GPC1: variants seen among roughly 807,000 people sequenced by gnomAD.
GPC1 encodes the protein glypican-1.
GPC1 carries 26 observed loss-of-function variants against 51.5 expected under a neutral mutation model. That is an observed-to-expected ratio of 0.50 (90% CI 0.37 to 0.70). The LOEUF (loss-of-function observed/expected upper bound fraction) is 0.70. GPC1 is among the 30% of genes least tolerant of loss of function. The probability of loss-of-function intolerance (pLI) is 0.00; values close to 1 mark genes in which losing one functional copy is unlikely to be tolerated. For missense variants in GPC1, 775 were observed against 800.5 expected (o/e 0.97, Z 0.38); for synonymous variants, 380 against 348.3 (o/e 1.09, Z -1.01).
intron 1 of GPC1, among the ~76,000 whole-genome samples, chr2:240,444,035 G>A (rs537932483): frequency 6.6e-6 from 1 of 152,336 alleles, no homozygotes; most frequent in East Asian, 1.9e-4. Context: ...TACCCCGCAG[G>A]TGCAGGCACC....
intron 1 of GPC1, among the ~76,000 whole-genome samples, chr2:240,444,443 A>T (rs2074037060): frequency 6.6e-6 from 1 of 152,176 alleles, no homozygotes; most frequent in African/African-American, 2.4e-5. Flanking sequence ...CCGCTGGTCC[A>T]TCCTGGGGTG....
At chr2:240,458,115 C>T (rs1476092669) in intron 1 of GPC1, 1 of 465,126 alleles carries the variant, frequency 2.1e-6, no homozygotes, top group Non-Finnish European at 4.5e-6. Context: ...AGACCTCATC[C>T]CTGTAAGCCC....
intron 2 of GPC1, among the ~76,000 whole-genome samples, chr2:240,460,490 C>T (rs1309495847): frequency 2.0e-5 from 3 of 152,178 alleles, no homozygotes; most frequent in Non-Finnish European, 2.9e-5. Flanking sequence ...AGCCCTGCCC[C>T]TTCCCCTCTC....
chr2:240,443,750 T>C (rs1399091600), intron 1 of GPC1, among the ~76,000 whole-genome samples: 3 of 152,086 alleles, frequency 2.0e-5, no homozygotes, highest in Non-Finnish European at 4.4e-5. Flanking sequence ...CCCCAGGCCC[T>C]CCCTCCCCTG....
Position 240,459,108 on chromosome 2 carries a change from A to G in GPC1, c.245A>G (p.His82Arg), listed in dbSNP as rs2151795299. 1.9e-6 allele frequency: 3 copies of G among 1,612,832 alleles called. No homozygotes were observed. Among genetic ancestry groups the G allele is most frequent in the Non-Finnish European group, 2.5e-6 (3 of 1,179,914 alleles). ...EMEENLANRS[H>R]AELETALRDS... is the part of the protein sequence containing the mutation. ...GAGGAGAACCTGGCCAACCGCAGCCATGCCGAGCTGGAGACCGCGCTCCGG... is the reference window on the plus strand; with the variant it reads ...GAGGAGAACCTGGCCAACCGCAGCCGTGCCGAGCTGGAGACCGCGCTCCGG... The change falls in exon 2 of 9, where the codon CAT becomes CGT. Residue 82 changes from histidine to arginine, a missense_variant. Physicochemically the swap from His to Arg is conservative, Grantham distance 29. Coordinates refer to ENST00000264039, the MANE Select transcript of GPC1 (RefSeq NM_002081.3).
chr2:240,464,691 G>A lies in GPC1; in HGVS notation c.959G>A (p.Trp320Ter). The A allele has an allele frequency of 6.2e-7, 1 of 1,612,730 alleles. No homozygotes were observed. The highest frequency in any genetic ancestry group is 8.5e-7 in the Non-Finnish European group (1 of 1,179,768). The change falls in exon 5 of 9, where the codon TGG (tryptophan) becomes TAG (stop). Residue 320 changes from tryptophan to a stop codon, truncating the protein, a stop_gained. Coordinates refer to ENST00000264039, the MANE Select transcript of GPC1 (RefSeq NM_002081.3). LOFTEE classifies it high-confidence loss of function. ...VESVIGSVHT[W>*]LAEAINALQD... ...AGTGTCATCGGCAGCGTGCACACGT[G>A]GCTGGCGGAGGCCATCAACGCCCTC...
chr2:240,441,507 C>T (rs1009734605), intron 1 of GPC1, among the ~76,000 whole-genome samples: 6 of 152,222 alleles, frequency 3.9e-5, no homozygotes, highest in Non-Finnish European at 7.4e-5. Context: ...CTCCTACATG[C>T]GGGGCCTCTG....
At position 240,464,750 on chromosome 2, in the gene GPC1, C is replaced by T. The variant is rs188624883; in HGVS notation, c.1014+4C>T. ...CAGGGACACGCTCACGGCCAAGGTG[C>T]GGGCAGGAGGACGTGACGAGCACAG... On this transcript the variant is annotated splice_donor_region_variant and intron_variant, in intron 5 of 8. Transcript: ENST00000264039. 1.1e-4 allele frequency: 180 copies of T among 1,604,712 alleles called. 1 individual carries two copies. The African/African-American group carries it at 2.1e-3, about 19-fold the overall frequency.
At position 240,465,470 on chromosome 2, in the gene GPC1, C is replaced by A; in HGVS notation, c.1269-3C>A. 6.2e-7 allele frequency: 1 copy of A among 1,612,786 alleles called. No individual in the cohort carries two copies. Among genetic ancestry groups the A allele is most frequent in the Middle Eastern group, 1.7e-4 (1 of 6,016 alleles). On this transcript the variant is annotated splice_polypyrimidine_tract_variant and splice_region_variant and intron_variant, in intron 7 of 8. Coordinates refer to ENST00000264039, the MANE Select transcript of GPC1 (RefSeq NM_002081.3). ...ACCTGGGCTCTGCCTGCCTTTCCCCCAGGTACCTCCCCGAGGTCATGGGTG... is the reference window on the plus strand; with the variant it reads ...ACCTGGGCTCTGCCTGCCTTTCCCCAAGGTACCTCCCCGAGGTCATGGGTG...
intron 1 of GPC1, chr2:240,450,912 G>A (rs2074093179): frequency 4.9e-6 from 2 of 408,034 alleles, no homozygotes; most frequent in Non-Finnish European, 1.0e-5. Flanking sequence ...GCCAGAGGCT[G>A]GGGAGGCTTC....
At chr2:240,466,012 G>A (rs751791227) in intron 8 of GPC1, 46 bp from the exon 9 acceptor site, 19 of 1,231,608 alleles carry the variant, frequency 1.5e-5, no homozygotes, top group Admixed American at 1.8e-5. Context: ...GCTGCACTGG[G>A]GTCTCCTGTG....
In GPC1 at chr2:240,466,204, G is replaced by A; in HGVS notation, c.1591G>A (p.Ala531Thr). The change falls in exon 9 of 9, where the codon GCT (alanine) becomes ACT (threonine). Residue 531 changes from alanine (A) to threonine (T), a missense_variant. Transcript: ENST00000264039. ...LSEQEGQKTSAASCPQPPTFL... is the reference protein window; with the variant it reads ...LSEQEGQKTSTASCPQPPTFL... ...AGAGCAGGAAGGACAGAAGACCTCG[G>A]CTGCCAGCTGCCCCCAGCCCCCGAC... The A allele has an allele frequency of 6.2e-7, 1 of 1,612,730 alleles. No homozygotes were observed. Among genetic ancestry groups the A allele is most frequent in the South Asian group, 1.1e-5 (1 of 91,072 alleles).
At chr2:240,440,331 T>C (rs1184455899) in intron 1 of GPC1, among the ~76,000 whole-genome samples, 3 of 152,208 alleles carry the variant, frequency 2.0e-5, no homozygotes, top group African/African-American at 7.2e-5. Flanking sequence ...AGACCTGTTT[T>C]ACAAATGAGT....
At chr2:240,454,041 T>G (rs1459465343) in intron 1 of GPC1, among the ~76,000 whole-genome samples, 1 of 148,348 alleles carries the variant, frequency 6.7e-6, no homozygotes, top group Non-Finnish European at 1.5e-5. Context: ...TTGGCGACGC[T>G]GTCATTTGGG....
Position 240,448,034 on chromosome 2 carries a change from C to T in GPC1, c.167-10996C>T, listed in dbSNP as rs2074063501. Among the ~76,000 whole-genome samples, 2 of 152,174 alleles carry T rather than the reference C, an allele frequency of 1.3e-5. No homozygotes were observed. The highest frequency in any genetic ancestry group is 2.9e-5 in the Non-Finnish European group (2 of 68,016). Reference sequence around the variant, plus strand: ...TGCTGCCAGGCCATTCTGGGTGGAACACAGTGTCCCCAGGGCACAGTGACA... The same window carrying T: ...TGCTGCCAGGCCATTCTGGGTGGAATACAGTGTCCCCAGGGCACAGTGACA... On this transcript the variant is annotated intron_variant, in intron 1 of 8. Transcript: ENST00000264039. The surrounding 1 kb of genome is among the most constrained non-coding windows in gnomAD (Gnocchi z 4.5).
intron 1 of GPC1, chr2:240,442,327 A>C (rs2074023056): frequency 6.6e-6 from 1 of 152,298 alleles, no homozygotes; most frequent in Non-Finnish European, 1.5e-5. Flanking sequence ...TTGGGAGCAC[A>C]AGTGTTTCCA....
intron 1 of GPC1, chr2:240,457,906 A>C: frequency 2.8e-6 from 1 of 358,620 alleles, no homozygotes; most frequent in Non-Finnish European, 5.9e-6. Context: ...TCCTGCTGAC[A>C]ACGCCCCCCC....
chr2:240,458,213 C>A (rs539116550), intron 1 of GPC1: 2 of 395,668 alleles, frequency 5.1e-6, no homozygotes, highest in Non-Finnish European at 1.1e-5. Flanking sequence ...TTTCCTGATG[C>A]CACACACCCA....
intron 1 of GPC1, chr2:240,452,878 C>G: frequency 4.3e-6 from 1 of 230,040 alleles, no homozygotes; most frequent in South Asian, 4.4e-5. Flanking sequence ...CCCGGCGGAC[C>G]GCAGCCCGCC....
Sources: allele counts gnomAD v4.1 joint callset (sites outside exome capture counted in the v4.1 genomes callset), GRCh38; gene constraint gnomAD v4.1.1; non-coding constraint Gnocchi (gnomAD v3.1); transcripts MANE v1.5; gene names NCBI Gene and HGNC (gene_info 2026-07-23, HGNC 2026-07-21).